Variants in RANBP2 observed in about 807,000 individuals in gnomAD.
RANBP2 encodes RAN binding protein 2.
In RANBP2, 57 loss-of-function variants were observed where a neutral mutation model predicts 303.6. The observed-to-expected ratio is 0.19, with a 90% CI of 0.15 to 0.23. The LOEUF (loss-of-function observed/expected upper bound fraction) is 0.23, where lower values mean the gene tolerates loss of function less well. Among genes scored for constraint, RANBP2 ranks in the 10% least tolerant of loss-of-function variants. The probability of loss-of-function intolerance (pLI) is 1.00; values close to 1 mark genes in which losing one functional copy is unlikely to be tolerated. For missense variants in RANBP2, 3,138 were observed against 3,780.8 expected, an observed-to-expected ratio of 0.83 and a Z score of 4.46; for synonymous variants, 1,167 against 1,301.5, an observed-to-expected ratio of 0.90 and a Z score of 2.23.
At chr2:109,080,792 C>T in the RANBP2 span, among the ~76,000 whole-genome samples, 2 of 152,214 alleles carry the variant, frequency 1.3e-5, no homozygotes, top group African/African-American at 4.8e-5. Context: ...CTCGTTCCTA[C>T]ATCCAGGAAA....
At chr2:109,180,468 T>C in the RANBP2 span, among the ~76,000 whole-genome samples, 1 of 152,160 alleles carries the variant, frequency 6.6e-6, no homozygotes, top group Non-Finnish European at 1.5e-5. Context: ...CCCAGTGATA[T>C]GGTTTGGCTC....
chr2:109,270,458 T>C, the RANBP2 span, among the ~76,000 whole-genome samples: 4 of 152,170 alleles, frequency 2.6e-5, no homozygotes, highest in Non-Finnish European at 5.9e-5. Context: ...TTTCTTCTTG[T>C]TTCCACTGCC....
At chr2:109,165,862 A>G in the RANBP2 span, among the ~76,000 whole-genome samples, 2 of 152,242 alleles carry the variant, frequency 1.3e-5, no homozygotes, top group Non-Finnish European at 2.9e-5. Context: ...TCAGTGCTCT[A>G]CGTGTGCCCA....
chr2:109,607,460 G>A, the RANBP2 span, among the ~76,000 whole-genome samples: 95 of 152,266 alleles, frequency 6.2e-4, no homozygotes, highest in South Asian at 1.2e-3. Flanking sequence ...CCTAAAGAGA[G>A]CAGAAATCGG....
At chr2:109,473,877 C>T in the RANBP2 span, among the ~76,000 whole-genome samples, 6 of 152,202 alleles carry the variant, frequency 3.9e-5, no homozygotes, top group African/African-American at 1.4e-4. Context: ...GCCCCTGAAC[C>T]GCTCTCCTTG....
At chr2:109,475,153 A>AT in the RANBP2 span, among the ~76,000 whole-genome samples, 1 of 151,656 alleles carries the variant, frequency 6.6e-6, no homozygotes, top group Non-Finnish European at 1.5e-5. Context: ...AATTTTTTGT[A>AT]TTTTTAGTAG....
chr2:108,944,068 T>C, the RANBP2 span, among the ~76,000 whole-genome samples: 1 of 152,202 alleles, frequency 6.6e-6, no homozygotes, highest in Non-Finnish European at 1.5e-5. Context: ...TCCAGCCACG[T>C]AGGAGCAAAC....
chr2:109,428,991 A>T, the RANBP2 span, among the ~76,000 whole-genome samples: 1 of 152,190 alleles, frequency 6.6e-6, no homozygotes, highest in Non-Finnish European at 1.5e-5. Context: ...CAGCTCAGCC[A>T]GGAGACTCTG....
At chr2:109,417,621 C>T in the RANBP2 span, among the ~76,000 whole-genome samples, 1 of 152,160 alleles carries the variant, frequency 6.6e-6, no homozygotes, top group African/African-American at 2.4e-5. Context: ...AGGTTTTTCT[C>T]ACAGTGTCTG....
At chr2:109,669,420 C>A in the RANBP2 span, among the ~76,000 whole-genome samples, 1 of 152,152 alleles carries the variant, frequency 6.6e-6, no homozygotes. Flanking sequence ...TCAAACTCCC[C>A]ACCCCTGAAG....
At chr2:109,126,357 G>C in the RANBP2 span, among the ~76,000 whole-genome samples, 8 of 152,196 alleles carry the variant, frequency 5.3e-5, no homozygotes, top group African/African-American at 1.9e-4. Flanking sequence ...GATGTACTGA[G>C]GGCAGAGATG....
chr2:108,842,083 G>T, the RANBP2 span, among the ~76,000 whole-genome samples: 1 of 152,230 alleles, frequency 6.6e-6, no homozygotes, highest in Middle Eastern at 3.4e-3. Flanking sequence ...AGGCAGGAGT[G>T]CAGTGATGAT....
At chr2:109,590,084 A>T in the RANBP2 span, among the ~76,000 whole-genome samples, 6 of 148,998 alleles carry the variant, frequency 4.0e-5, no homozygotes, top group African/African-American at 1.5e-4. Flanking sequence ...ATATATATGT[A>T]TATATATACA....
chr2:109,528,038 C>T, the RANBP2 span, among the ~76,000 whole-genome samples: 1 of 152,214 alleles, frequency 6.6e-6, no homozygotes, highest in Non-Finnish European at 1.5e-5. Flanking sequence ...TCCAGAGTGA[C>T]TGAGCATGGG....
intron 6 of RANBP2, among the ~76,000 whole-genome samples, chr2:108,739,849 A>G (rs1014810077): frequency 5.0e-4 from 76 of 152,234 alleles, no homozygotes; most frequent in African/African-American, 1.8e-3. Context: ...TTAGCGGGGC[A>G]TGGTGGCAGG....
the RANBP2 span, among the ~76,000 whole-genome samples, chr2:108,893,722 A>AATC: frequency 6.6e-6 from 1 of 152,160 alleles, no homozygotes; most frequent in African/African-American, 2.4e-5. Flanking sequence ...AGGCCATGAC[A>AATC]ATCTTAAACA....
At chr2:109,190,360 G>A in the RANBP2 span, among the ~76,000 whole-genome samples, 2 of 152,346 alleles carry the variant, frequency 1.3e-5, no homozygotes, top group African/African-American at 4.8e-5. Context: ...TTGTAGTAGA[G>A]ATGGGGTTTC....
chr2:108,753,184 A>C, intron 13 of RANBP2, 25 bp downstream of exon 13: 1 of 1,611,436 alleles, frequency 6.2e-7, no homozygotes, highest in Non-Finnish European at 8.5e-7. Flanking sequence ...TTATGAATTT[A>C]TTGGAGATGG....
At chr2:109,201,499 C>T in the RANBP2 span, among the ~76,000 whole-genome samples, 1 of 152,280 alleles carries the variant, frequency 6.6e-6, no homozygotes, top group African/African-American at 2.4e-5. Flanking sequence ...CCCTGGCTAC[C>T]CCAGGCCACC....
Sources: gnomAD v4.1 joint callset for allele counts (sites outside exome capture counted in the v4.1 genomes callset) on GRCh38, gnomAD v4.1.1 for gene constraint, MANE v1.5 for transcripts, NCBI Gene and HGNC (gene_info 2026-07-23, HGNC 2026-07-21) for gene names.